Variants in PIGG observed in about 807,000 individuals in gnomAD.
PIGG encodes the protein phosphatidylinositol glycan anchor biosynthesis class G (EMM blood group), also known as GPI ethanolamine phosphate transferase 2, catalytic subunit.
PIGG carries 70 observed loss-of-function variants against 83.2 expected under a neutral mutation model. That is an observed-to-expected ratio of 0.84 (90% CI 0.69 to 1.03). The LOEUF (loss-of-function observed/expected upper bound fraction) is 1.03. Among genes scored for constraint, PIGG ranks in the 50% least tolerant of loss-of-function variants. The pLI, the probability that PIGG is intolerant of heterozygous loss-of-function variation, is 0.00. For missense variants in PIGG, 1,257 were observed against 1,233.6 expected, an observed-to-expected ratio of 1.02 and a Z score of -0.28; for synonymous variants, 532 against 519.5, an observed-to-expected ratio of 1.02 and a Z score of -0.33.
chr4:510,220 T>G (rs1352517529), intron 5 of PIGG, among the ~76,000 whole-genome samples: 3 of 152,158 alleles, frequency 2.0e-5, no homozygotes, highest in Non-Finnish European at 4.4e-5. Context: ...GTCATTAGCA[T>G]TGGTTCTACT....
rs1335146760 is a variant in PIGG, at chr4:521,862, T to TG, written c.1537dup (p.Val513GlyfsTer90). On this transcript the variant is annotated frameshift_variant, in exon 8 of 13. Coordinates refer to ENST00000453061, the MANE Select transcript of PIGG (RefSeq NM_001127178.3). LOFTEE classifies it high-confidence loss of function. ...TCGTGGCTGGCGGCAGGTGGGGTGA[T>TG]GGTGCTGGCCTCGGCGCTGCTGTGT... 1.2e-6 allele frequency: 2 copies of TG among 1,614,060 alleles called. No individual in the cohort carries two copies. The highest frequency in any genetic ancestry group is 1.7e-6 in the Non-Finnish European group (2 of 1,180,022).
At chr4:505,082 AG>A (rs782509882) in intron 2 of PIGG, among the ~76,000 whole-genome samples, 1 of 152,180 alleles carries the variant, frequency 6.6e-6, no homozygotes, top group East Asian at 1.9e-4. Context: ...GGGACCTGGC[AG>A]AGGCTTTGAA....
At chr4:521,992 GTTC>G (rs773468389) in intron 8 of PIGG, 51 bp downstream of exon 8, 28 of 1,592,678 alleles carry the variant, frequency 1.8e-5, no homozygotes, top group Non-Finnish European at 2.2e-5. Flanking sequence ...TGCTCAGGTT[GTTC>G]TTGTTATTTC....
chr4:534,502 C>G (rs974479810), intron 12 of PIGG, among the ~76,000 whole-genome samples: 2 of 152,212 alleles, frequency 1.3e-5, no homozygotes, highest in African/African-American at 4.8e-5. Context: ...CACACATAAG[C>G]TGATTTGGGT....
Position 516,174 on chromosome 4 carries a change from CAT to C in PIGG, c.1106_1107del (p.Tyr369Ter), listed in dbSNP as rs1560313832. 5 of 1,612,524 alleles carry C rather than the reference CAT, an allele frequency of 3.1e-6. No homozygotes were observed. The highest frequency in any genetic ancestry group is 4.2e-6 in the Non-Finnish European group (5 of 1,178,528). On this transcript the variant is annotated frameshift_variant, in exon 6 of 13. Coordinates refer to ENST00000453061, the MANE Select transcript of PIGG (RefSeq NM_001127178.3). LOFTEE classifies it high-confidence loss of function. Reference sequence around the variant, plus strand: ...AAACTGTTGCAAGAGAATGTGCCGTCATATGAAAAAGGTCAGTCAACTCACCG... The same window carrying C: ...AAACTGTTGCAAGAGAATGTGCCGTCATGAAAAAGGTCAGTCAACTCACCG...
chr4:500,581 G>GT lies in PIGG; in HGVS notation c.342dup (p.Thr115TyrfsTer50), dbSNP rs886041687. ...TGTGGCTGAAGCAAAGCCACCTACAGTTACTATGCCTCGAATCAAGGTAAG... is the reference window on the plus strand; with the variant it reads ...TGTGGCTGAAGCAAAGCCACCTACAGTTTACTATGCCTCGAATCAAGGTAAG... On this transcript the variant is annotated frameshift_variant, in exon 2 of 13. Transcript: ENST00000453061. LOFTEE classifies it high-confidence loss of function. 1.2e-6 allele frequency: 2 copies of GT among 1,606,768 alleles called. No homozygotes were observed. The highest frequency in any genetic ancestry group is 3.3e-5 in the Admixed American group (2 of 60,018).
At chr4:516,315 C>A in intron 6 of PIGG, 130 bp downstream of exon 6, 1 of 646,716 alleles carries the variant, frequency 1.5e-6, no homozygotes, top group Non-Finnish European at 2.8e-6. Flanking sequence ...TTTGATGATA[C>A]AGATTGTGTT....
In PIGG at chr4:508,933, T is replaced by A. The variant is rs145528951; in HGVS notation, c.864T>A (p.Pro288=). Residue 288 remains proline, a synonymous_variant, in exon 5 of 13, where the codon CCT becomes CCA. Transcript: ENST00000453061. Reference sequence around the variant, plus strand: ...CCTCCACCGAGGAGGTGAATACACCTCTGATTTTAATCAGTTCTGCGTTTG... The same window carrying A: ...CCTCCACCGAGGAGGTGAATACACCACTGATTTTAATCAGTTCTGCGTTTG... ...GASSTEEVNT[P]LILISSAFER... 1.1e-4 allele frequency: 170 copies of A among 1,613,890 alleles called. No homozygotes were observed. In the African/African-American group the frequency reaches 1.8e-3, roughly 17 times the overall value.
intron 5 of PIGG, among the ~76,000 whole-genome samples, chr4:510,623 T>A (rs1721583960): frequency 6.6e-6 from 1 of 152,218 alleles, no homozygotes; most frequent in African/African-American, 2.4e-5. Context: ...GCGTGCAGGC[T>A]GCCTGCAAGT....
intron 5 of PIGG, among the ~76,000 whole-genome samples, chr4:510,454 G>A (rs538147530): frequency 1.7e-4 from 26 of 152,322 alleles, no homozygotes; most frequent in Middle Eastern, 3.4e-3. Flanking sequence ...CAGCGTGGGC[G>A]TCATGGCCAT....
chr4:507,797 G>A (rs1186836858), intron 4 of PIGG, among the ~76,000 whole-genome samples: 1 of 152,230 alleles, frequency 6.6e-6, no homozygotes, highest in East Asian at 1.9e-4. Flanking sequence ...CAGAACAGCA[G>A]CTCTCACTCC....
chr4:519,165 C>T (rs1450006032), intron 6 of PIGG, among the ~76,000 whole-genome samples: 1 of 152,224 alleles, frequency 6.6e-6, no homozygotes, highest in Non-Finnish European at 1.5e-5. Flanking sequence ...TCCTGGGAAA[C>T]TTGTAATTAC....
chr4:513,695 A>T (rs1191720735), intron 5 of PIGG, among the ~76,000 whole-genome samples: 4 of 152,148 alleles, frequency 2.6e-5, no homozygotes, highest in African/African-American at 9.7e-5. Flanking sequence ...CGGTGAAAGG[A>T]TGCTGCTGGG....
At position 500,381 on chromosome 4, in the gene PIGG, C is replaced by T. The variant is rs781840854; in HGVS notation, c.155-15C>T. On this transcript the variant is annotated splice_polypyrimidine_tract_variant and intron_variant, in intron 1 of 12. Coordinates refer to ENST00000453061, the MANE Select transcript of PIGG (RefSeq NM_001127178.3). Reference sequence around the variant, plus strand: ...TTTAGAGTTCAATTTCCTTTTTTTTCTTTCAAACACTTAGGAGCCAGTTCT... The same window carrying T: ...TTTAGAGTTCAATTTCCTTTTTTTTTTTTCAAACACTTAGGAGCCAGTTCT... 8.2e-6 allele frequency: 13 copies of T among 1,590,820 alleles called. No individual in the cohort carries two copies. The highest frequency in any genetic ancestry group is 5.3e-5 in the Admixed American group (3 of 56,536).
chr4:527,588 A>G, intron 10 of PIGG: 1 of 1,017,718 alleles, frequency 9.8e-7, no homozygotes, highest in African/African-American at 1.7e-5. Context: ...CGTGATGGCC[A>G]GGGTTCTGTT....
chr4:524,590 G>T lies in PIGG; in HGVS notation c.2069+677G>T, dbSNP rs557191859. 5 of 152,310 alleles carry T rather than the reference G, an allele frequency of 3.3e-5. No individual in the cohort carries two copies. The East Asian group carries it at 9.7e-4, about 29-fold the overall frequency. The allele number at this position is 152,310 out of a possible 1,614,324, so 9.4% of individuals were successfully genotyped here. Reference sequence around the variant, plus strand: ...GCGAGAATGCGCTCATTACTGCGAAGATGGCACCAAGCCATTCGTGAGGAA... The same window carrying T: ...GCGAGAATGCGCTCATTACTGCGAATATGGCACCAAGCCATTCGTGAGGAA... On this transcript the variant is annotated intron_variant, in intron 9 of 12. Transcript: ENST00000453061.
chr4:513,662 G>A (rs368697052), intron 5 of PIGG, among the ~76,000 whole-genome samples: 5 of 152,152 alleles, frequency 3.3e-5, no homozygotes, highest in Non-Finnish European at 1.5e-5. Flanking sequence ...CTCAGCAGGC[G>A]AGCCAGTGGA....
rs188797276 is a variant in PIGG at position 535,616 on chromosome 4, G to A, written c.2735+1635G>A. Among the ~76,000 whole-genome samples the A allele has an allele frequency of 7.8e-4, 119 of 152,256 alleles. 1 individual carries two copies. The highest frequency in any genetic ancestry group is 2.8e-3 in the African/African-American group (118 of 41,564). On this transcript the variant is annotated intron_variant, in intron 12 of 12. Transcript: ENST00000453061. ...CTCTCCGCTGAGCAGTGAGGCTGGA[G>A]GGCTCCTACGTCCTCCCATGACTGA... is the stretch of plus-strand genomic sequence containing the variant.
In PIGG at chr4:512,779, C is replaced by T. The variant is rs1319170884; in HGVS notation, c.902-3194C>T. Among the ~76,000 whole-genome samples the T allele has an allele frequency of 5.9e-5, 9 of 152,158 alleles. No homozygotes were observed. In the Middle Eastern group the frequency reaches 0.01, roughly 174 times the overall value. ...GCAGTGAGCCGAGATCGCACCACTG[C>T]ACTCCAGCTTGGCGACGGAGTGAGA... On this transcript the variant is annotated intron_variant, in intron 5 of 12. Transcript: ENST00000453061.
Sources: gnomAD v4.1 joint callset for allele counts (sites outside exome capture counted in the v4.1 genomes callset) on GRCh38, gnomAD v4.1.1 for gene constraint, MANE v1.5 for transcripts, NCBI Gene and HGNC (gene_info 2026-07-23, HGNC 2026-07-21) for gene names.